SUPT6H: variants seen among roughly 807,000 people sequenced by gnomAD.
SUPT6H encodes SPT6 homolog, histone chaperone and transcription elongation factor.
In SUPT6H, 11 loss-of-function variants were observed where a neutral mutation model predicts 222.3. The observed-to-expected ratio is 0.05, with a 90% CI of 0.03 to 0.08. The LOEUF is 0.08. Ranked by LOEUF, SUPT6H falls within the 10% of genes least tolerant of loss-of-function variation. SUPT6H has a pLI of 1.00. For synonymous variants in SUPT6H, 762 were observed against 801.2 expected (o/e 0.95, Z 0.83); for missense variants, 1,422 against 2,216.0 (o/e 0.64, Z 7.19).
chr17:28,664,573 T>G (rs2029908613), intron 1 of SUPT6H, among the ~76,000 whole-genome samples: 1 of 152,226 alleles, frequency 6.6e-6, no homozygotes, highest in African/African-American at 2.4e-5. Context: ...TGCTTCCCTT[T>G]AGGTAACCCA....
chr17:28,681,459 C>T lies in SUPT6H; in HGVS notation c.1498+55C>T, dbSNP rs919859950. 1.2e-5 allele frequency: 19 copies of T among 1,523,586 alleles called. No individual in the cohort carries two copies. In the African/African-American group the frequency reaches 1.3e-4, roughly 10 times the overall value. The allele number at this position is 1,523,586 out of a possible 1,614,324, so 94.4% of individuals were successfully genotyped here. On this transcript the variant is annotated intron_variant, in intron 12 of 36. Coordinates refer to ENST00000314616, the MANE Select transcript of SUPT6H (RefSeq NM_003170.5). ...TTTGATGGCCATGCATGATGGCTCA[C>T]GCATGTAATCCCAGCATTTTCAGAT...
chr17:28,674,920 C>G, intron 4 of SUPT6H, 50 bp from the exon 5 acceptor site: 1 of 1,582,718 alleles, frequency 6.3e-7, no homozygotes, highest in Non-Finnish European at 8.6e-7. Context: ...ATTTGGTATC[C>G]GTATGCCAGA....
chr17:28,677,545 CAAAAAA>C, intron 7 of SUPT6H, among the ~76,000 whole-genome samples, 164 bp from the exon 8 acceptor site: 1 of 137,434 alleles, frequency 7.3e-6, no homozygotes, highest in East Asian at 2.1e-4. Flanking sequence ...GACACCATCT[CAAAAAA>C]AAAAAATGCT....
chr17:28,694,174 C>A (rs1272420942), intron 28 of SUPT6H, among the ~76,000 whole-genome samples: 2 of 152,202 alleles, frequency 1.3e-5, no homozygotes, highest in Non-Finnish European at 2.9e-5. Context: ...CTCCCAAGAC[C>A]AGGCATCAGC....
chr17:28,700,107 C>G, intron 33 of SUPT6H, 66 bp from the exon 34 acceptor site: 7 of 1,605,734 alleles, frequency 4.4e-6, no homozygotes, highest in Non-Finnish European at 6.0e-6. Context: ...GCCCCTTCCA[C>G]CCCCTGAATT....
intron 12 of SUPT6H, 59 bp downstream of exon 12, chr17:28,681,463 T>C (rs982633020): frequency 2.0e-6 from 3 of 1,523,782 alleles, no homozygotes; most frequent in Non-Finnish European, 2.6e-6. Context: ...GGCTCACGCA[T>C]GTAATCCCAG....
At chr17:28,684,050 A>T (rs2031257852) in intron 17 of SUPT6H, among the ~76,000 whole-genome samples, 1 of 152,086 alleles carries the variant, frequency 6.6e-6, no homozygotes, top group South Asian at 2.1e-4. Context: ...AGTATAAAAT[A>T]ACATGGTTTT....
At chr17:28,684,335 A>G (rs2031274030) in intron 17 of SUPT6H, among the ~76,000 whole-genome samples, 1 of 152,110 alleles carries the variant, frequency 6.6e-6, no homozygotes, top group African/African-American at 2.4e-5. Context: ...CTGCTCCAGG[A>G]GCTTCTCCCC....
intron 1 of SUPT6H, 148 bp from the exon 2 acceptor site, chr17:28,673,223 T>A (rs1257993057): frequency 3.7e-6 from 2 of 545,904 alleles, no homozygotes; most frequent in East Asian, 6.3e-5. Context: ...GTTGGAACCA[T>A]CAGATTCTTC....
At chr17:28,678,673 G>C (rs746326498) in intron 10 of SUPT6H, 39 bp downstream of exon 10, 3 of 1,612,224 alleles carry the variant, frequency 1.9e-6, no homozygotes, top group Non-Finnish European at 2.5e-6. Context: ...TGTGGGCCAG[G>C]GAAGGCACCA....
In SUPT6H at chr17:28,700,991, T is replaced by C; in HGVS notation, c.4857T>C (p.Pro1619=). 6.2e-7 allele frequency: 1 copy of C among 1,613,914 alleles called. No homozygotes were observed. The highest frequency in any genetic ancestry group is 8.5e-7 in the Non-Finnish European group (1 of 1,179,928). Residue 1619 remains proline (P), a synonymous_variant, in exon 36 of 37, where the codon CCT becomes CCC. Coordinates refer to ENST00000314616, the MANE Select transcript of SUPT6H (RefSeq NM_003170.5). ...CAGTGGCCACACCACTAATGACCCC[T>C]AGCTACTCCTACACGACCCCAAGCC... The part of the protein sequence containing the change: ...QQPVATPLMT[P]SYSYTTPSQP...
In SUPT6H at chr17:28,676,223, T is replaced by C; in HGVS notation, c.690T>C (p.Asn230=). 9 of 1,612,158 alleles carry C rather than the reference T, an allele frequency of 5.6e-6. No homozygotes were observed. Among genetic ancestry groups the C allele is most frequent in the Non-Finnish European group, 7.6e-6 (9 of 1,179,410 alleles). The change falls in exon 7 of 37, where the codon AAT becomes AAC. Residue 230 remains asparagine, a synonymous_variant. Transcript: ENST00000314616. ...DFDYDEFEKY[N]EYDEELEEEY... is the part of the protein sequence containing the mutation. Reference sequence around the variant, plus strand: ...ACTATGATGAATTTGAGAAATACAATGAGTATGATGAAGAACTGGAGGAAG... The same window carrying C: ...ACTATGATGAATTTGAGAAATACAACGAGTATGATGAAGAACTGGAGGAAG...
Position 28,674,647 on chromosome 17 carries a change from G to T in SUPT6H, c.345+34G>T, listed in dbSNP as rs560469013. 2.2e-5 allele frequency: 35 copies of T among 1,603,430 alleles called. No individual in the cohort carries two copies. The South Asian group carries it at 3.1e-4, about 14-fold the overall frequency. On this transcript the variant is annotated intron_variant, in intron 4 of 36. Transcript: ENST00000314616. ...CATTCTTTGTCTTTTGTCCCTGGGGGTAAAGGAAAAAGCCCTGGAAATTTC... is the reference window on the plus strand; with the variant it reads ...CATTCTTTGTCTTTTGTCCCTGGGGTTAAAGGAAAAAGCCCTGGAAATTTC...
chr17:28,684,435 G>A, intron 17 of SUPT6H, 151 bp from the exon 18 acceptor site: 2 of 857,486 alleles, frequency 2.3e-6, no homozygotes, highest in Middle Eastern at 3.3e-4. Context: ...ATGCCTTCAG[G>A]TGGTAAGCCT....
intron 19 of SUPT6H, among the ~76,000 whole-genome samples, chr17:28,686,080 G>T (rs1218732442): frequency 6.6e-6 from 1 of 152,096 alleles, no homozygotes; most frequent in Non-Finnish European, 1.5e-5. Context: ...AAAAAAGAAC[G>T]GTTTCCTAAC....
At chr17:28,683,486 A>G (rs1712560393) in intron 16 of SUPT6H, 64 bp downstream of exon 16, 7 of 1,599,650 alleles carry the variant, frequency 4.4e-6, no homozygotes, top group Non-Finnish European at 6.0e-6. Flanking sequence ...GGTGGAGGGA[A>G]GGGCCCCTCA....
chr17:28,683,517 C>T lies in SUPT6H; in HGVS notation c.2033+95C>T. 4 of 1,582,722 alleles carry T rather than the reference C, an allele frequency of 2.5e-6. No individual in the cohort carries two copies. The South Asian group carries it at 3.5e-5, about 14-fold the overall frequency. On this transcript the variant is annotated intron_variant, in intron 16 of 36. Coordinates refer to ENST00000314616, the MANE Select transcript of SUPT6H (RefSeq NM_003170.5). The stretch of plus-strand genomic sequence containing the variant: ...CCTCAGGAGTGGGGAACCACAATTT[C>T]AGAGTTGAGCAGGCTGTTGTCTCTG...
chr17:28,669,237 C>G (rs557964830), intron 1 of SUPT6H, among the ~76,000 whole-genome samples: 1 of 152,296 alleles, frequency 6.6e-6, no homozygotes, highest in African/African-American at 2.4e-5. Flanking sequence ...CGGAGTCTCA[C>G]TGTCGGTGCA....
intron 6 of SUPT6H, 69 bp from the exon 7 acceptor site, chr17:28,676,088 C>T: frequency 6.7e-7 from 1 of 1,498,432 alleles, no homozygotes; most frequent in South Asian, 1.4e-5. Flanking sequence ...AGTAAAGGAT[C>T]TATGCAAGGG....
Sources: allele counts gnomAD v4.1 joint callset (sites outside exome capture counted in the v4.1 genomes callset), GRCh38; gene constraint gnomAD v4.1.1; transcripts MANE v1.5; gene names NCBI Gene and HGNC (gene_info 2026-07-23, HGNC 2026-07-21).